The following USH2A variants were observed in gnomAD, a reference collection of about 807,000 sequenced individuals.
The protein encoded by USH2A is Usher syndrome 2A (autosomal recessive, mild).
Under a neutral mutation model 538.9 loss-of-function variants are expected in USH2A, and 443 were observed. That is an observed-to-expected ratio of 0.82 (90% CI 0.76 to 0.89). The LOEUF is 0.89. Among genes scored for constraint, USH2A ranks in the 40% least tolerant of loss-of-function variants. The probability of loss-of-function intolerance (pLI) is 0.00; values close to 1 mark genes in which losing one functional copy is unlikely to be tolerated. For missense variants in USH2A, 6,633 were observed against 6,324.8 expected (o/e 1.05, Z -1.65); for synonymous variants, 2,413 against 2,273.5 (o/e 1.06, Z -1.75).
At chr1:216,210,070 G>A (rs567740061) in intron 15 of USH2A, among the ~76,000 whole-genome samples, 5 of 152,266 alleles carry the variant, frequency 3.3e-5, no homozygotes, top group South Asian at 2.1e-4. Context: ...ATGCCCTGGA[G>A]GAATGAATAC....
At chr1:215,816,914 AT>A in intron 48 of USH2A, 82 bp downstream of exon 48, 1 of 1,383,652 alleles carries the variant, frequency 7.2e-7, no homozygotes, top group African/African-American at 1.4e-5. Context: ...ATCATAATAC[AT>A]CATGGTGTGA....
rs554871929 is a variant in USH2A at position 216,387,712 on chromosome 1, A to C, written c.652-22627T>G. ...CCCTTTATAGATCCTCAAACGTTAA[A>C]ATCTATTTTATAGCAACACTTCCAA... On this transcript the variant is annotated intron_variant, in intron 3 of 71. Transcript: ENST00000307340. Among the ~76,000 whole-genome samples, 104 of 152,306 alleles carry C rather than the reference A, an allele frequency of 6.8e-4. 1 individual carries two copies. The highest frequency in any genetic ancestry group is 2.4e-3 in the African/African-American group (98 of 41,560).
At chr1:215,684,055 T>C (rs1281944285) in intron 61 of USH2A, among the ~76,000 whole-genome samples, 1 of 152,228 alleles carries the variant, frequency 6.6e-6, no homozygotes, top group Non-Finnish European at 1.5e-5. Context: ...AATAATCCAT[T>C]CTTTGCAATC....
chr1:216,321,775 G>T, intron 9 of USH2A, 108 bp downstream of exon 9: 1 of 1,042,094 alleles, frequency 9.6e-7, no homozygotes, highest in Non-Finnish European at 1.5e-6. Context: ...GTTCATATCA[G>T]TTTTTAAATT....
chr1:216,108,384 A>G (rs900922400), intron 21 of USH2A, among the ~76,000 whole-genome samples: 8 of 148,952 alleles, frequency 5.4e-5, no homozygotes, highest in African/African-American at 2.0e-4. Context: ...AGCTGATTTT[A>G]AGGTTTTTAT....
At chr1:215,769,940 T>C (rs1394414320) in intron 55 of USH2A, among the ~76,000 whole-genome samples, 1 of 152,182 alleles carries the variant, frequency 6.6e-6, no homozygotes, top group East Asian at 1.9e-4. Flanking sequence ...CCTCAAGAGC[T>C]GTGTCTGTCC....
chr1:215,883,368 G>A (rs570311462), intron 41 of USH2A, among the ~76,000 whole-genome samples: 2 of 151,798 alleles, frequency 1.3e-5, no homozygotes, highest in South Asian at 4.2e-4. Context: ...TTTTTTTGGT[G>A]GGTGGGGGGG....
chr1:216,217,300 G>A, intron 15 of USH2A, 87 bp downstream of exon 15: 1 of 1,545,738 alleles, frequency 6.5e-7, no homozygotes, highest in African/African-American at 1.4e-5. Context: ...CTTTCTGATG[G>A]GTTCTAAATG....
At chr1:215,676,777 T>C (rs1050053551) in intron 62 of USH2A, among the ~76,000 whole-genome samples, 1 of 140,520 alleles carries the variant, frequency 7.1e-6, no homozygotes, top group African/African-American at 2.5e-5. Flanking sequence ...GCAGCCTCTG[T>C]GACCCCCCAA....
At chr1:215,802,549 T>C (rs1254856755) in intron 49 of USH2A, among the ~76,000 whole-genome samples, 1 of 151,874 alleles carries the variant, frequency 6.6e-6, no homozygotes, top group African/African-American at 2.4e-5. Context: ...GAAATGCAAA[T>C]CAAAACCACA....
chr1:215,629,411 T>C (rs1656183192), intron 70 of USH2A, among the ~76,000 whole-genome samples: 1 of 152,104 alleles, frequency 6.6e-6, no homozygotes, highest in South Asian at 2.1e-4. Context: ...ATCTTCTTCA[T>C]ACATGTCAGC....
intron 37 of USH2A, among the ~76,000 whole-genome samples, chr1:215,951,259 G>C (rs532821239): frequency 8.7e-4 from 132 of 152,234 alleles, no homozygotes; most frequent in African/African-American, 3.1e-3. Flanking sequence ...TTGTGTCTTT[G>C]TTCTCATTGG....
At chr1:215,800,659 G>A (rs182683815) in intron 49 of USH2A, among the ~76,000 whole-genome samples, 41 of 152,110 alleles carry the variant, frequency 2.7e-4, no homozygotes, top group Admixed American at 1.6e-3. Flanking sequence ...ATAAAAATAT[G>A]GGACAATATT....
intron 21 of USH2A, among the ~76,000 whole-genome samples, chr1:216,136,457 A>G (rs2033488254): frequency 6.6e-6 from 1 of 152,176 alleles, no homozygotes; most frequent in African/African-American, 2.4e-5. Context: ...ATTAAATGTA[A>G]GGAATTAGTT....
intron 38 of USH2A, among the ~76,000 whole-genome samples, chr1:215,925,383 G>A (rs750841312): frequency 6.6e-6 from 1 of 151,972 alleles, no homozygotes; most frequent in Non-Finnish European, 1.5e-5. Flanking sequence ...CTTTCAATGG[G>A]TTGATTTTTC....
At chr1:215,853,828 C>T (rs926070760) in intron 44 of USH2A, among the ~76,000 whole-genome samples, 3 of 152,204 alleles carry the variant, frequency 2.0e-5, no homozygotes, top group Non-Finnish European at 2.9e-5. Context: ...CCATCTGAGA[C>T]CACCTCAGAC....
chr1:216,130,858 GT>G (rs1176664661), intron 21 of USH2A, among the ~76,000 whole-genome samples: 1 of 151,588 alleles, frequency 6.6e-6, no homozygotes, highest in Non-Finnish European at 1.5e-5. Flanking sequence ...TCTAATGGTA[GT>G]TTTAGTTCTG....
At chr1:215,698,373 G>T (rs1431171781) in intron 61 of USH2A, among the ~76,000 whole-genome samples, 1 of 152,012 alleles carries the variant, frequency 6.6e-6, no homozygotes, top group African/African-American at 2.4e-5. Context: ...GGTATTTCTG[G>T]GTCTAGATCC....
chr1:215,726,311 T>G (rs1458872349), intron 61 of USH2A, among the ~76,000 whole-genome samples: 1 of 152,168 alleles, frequency 6.6e-6, no homozygotes, highest in African/African-American at 2.4e-5. Flanking sequence ...CTAGAAGACA[T>G]AATATAAAAG....
Sources: gnomAD v4.1 joint callset for allele counts (sites outside exome capture counted in the v4.1 genomes callset) on GRCh38, gnomAD v4.1.1 for gene constraint, MANE v1.5 for transcripts, NCBI Gene and HGNC (gene_info 2026-07-23, HGNC 2026-07-21) for gene names.